KIF24: variants seen among roughly 807,000 people sequenced by gnomAD.
The protein encoded by KIF24 is kinesin-like protein KIF24.
In KIF24, 81 loss-of-function variants were observed where a neutral mutation model predicts 118.9. That is an observed-to-expected ratio of 0.68 (90% CI 0.57 to 0.82). KIF24 has a LOEUF of 0.82. Ranked by LOEUF, KIF24 falls within the 40% of genes least tolerant of loss-of-function variation. The pLI is 0.00. For missense variants in KIF24, 1,560 were observed against 1,661.6 expected (o/e 0.94, Z 1.06); for synonymous variants, 599 against 610.0 (o/e 0.98, Z 0.27).
intron 12 of KIF24, among the ~76,000 whole-genome samples, 157 bp downstream of exon 12, chr9:34,254,915 C>CA (rs1340830237): frequency 6.6e-6 from 1 of 152,150 alleles, no homozygotes. Context: ...CAAGATGTCT[C>CA]AAAGGCGTGG....
Position 34,306,388 on chromosome 9 carries a change from A to G in KIF24, c.677T>C (p.Val226Ala). The G allele has an allele frequency of 6.2e-7, 1 of 1,612,602 alleles. No individual in the cohort carries two copies. The change falls in exon 3 of 13, where the codon GTT becomes GCT. Residue 226 changes from valine to alanine, a missense_variant. Transcript: ENST00000402558. ...NPWTEMEKIRVCVRKRPLGMR... is the reference protein window; with the variant it reads ...NPWTEMEKIRACVRKRPLGMR... ...GCCCAGGGGGCGTTTTCGAACACAAACTCTGATTTTCTCCATCTCAGTCCA... is the reference window on the plus strand; with the variant it reads ...GCCCAGGGGGCGTTTTCGAACACAAGCTCTGATTTTCTCCATCTCAGTCCA...
At chr9:34,319,782 C>T in intron 1 of KIF24, 1 of 566,078 alleles carries the variant, frequency 1.8e-6, no homozygotes, top group Non-Finnish European at 3.3e-6. Context: ...GACAAACAAA[C>T]CAGGGTTCCC....
intron 8 of KIF24, among the ~76,000 whole-genome samples, chr9:34,264,748 T>A (rs1380366652): frequency 1.3e-5 from 2 of 152,126 alleles, no homozygotes; most frequent in African/African-American, 4.8e-5. Context: ...AAGCTTTTTT[T>A]CTTTTTTTAA....
Position 34,256,964 on chromosome 9 carries a change from CCTGGGG to C in KIF24, c.2637_2642del (p.Ser879_Pro880del). ...TAGTTAGATCTTTCTTGTCACCTGTCCTGGGGCTAGAAAACAGACTCTGCTGTCTTT... is the reference window on the plus strand; with the variant it reads ...TAGTTAGATCTTTCTTGTCACCTGTCCTAGAAAACAGACTCTGCTGTCTTT... On this transcript the variant is annotated inframe_deletion, in exon 11 of 13. Transcript: ENST00000402558. 4 of 1,614,018 alleles carry C rather than the reference CCTGGGG, an allele frequency of 2.5e-6. No individual in the cohort carries two copies. The highest frequency in any genetic ancestry group is 3.4e-6 in the Non-Finnish European group (4 of 1,179,896).
intron 1 of KIF24, among the ~76,000 whole-genome samples, chr9:34,311,748 GTATATA>G (rs1269436857): frequency 1.7e-4 from 22 of 132,984 alleles, no homozygotes; most frequent in Non-Finnish European, 2.5e-4. Flanking sequence ...ACATATATAC[GTATATA>G]TGTGTATATA....
chr9:34,329,332 G>A (rs1837803426), upstream of KIF24, among the ~76,000 whole-genome samples: 1 of 152,244 alleles, frequency 6.6e-6, no homozygotes, highest in Non-Finnish European at 1.5e-5. Context: ...CCAAGGAATC[G>A]GTTGACGTTC....
At chr9:34,332,411 C>A (rs949204324), upstream of KIF24, among the ~76,000 whole-genome samples, 1 of 152,188 alleles carries the variant, frequency 6.6e-6, no homozygotes, top group Admixed American at 6.5e-5. Flanking sequence ...GGAATGTCTT[C>A]CACTTTCACT....
chr9:34,323,541 T>C (rs1277473344), intron 1 of KIF24, among the ~76,000 whole-genome samples: 1 of 152,240 alleles, frequency 6.6e-6, no homozygotes, highest in African/African-American at 2.4e-5. Context: ...TTTTAAAATC[T>C]TGCTCTGACA....
intron 6 of KIF24, among the ~76,000 whole-genome samples, chr9:34,282,316 G>T (rs1835875244): frequency 6.6e-6 from 1 of 152,156 alleles, no homozygotes; most frequent in African/African-American, 2.4e-5. Context: ...ATATGATACG[G>T]ACAGAATTGG....
At chr9:34,263,379 G>A (rs953014279) in intron 8 of KIF24, among the ~76,000 whole-genome samples, 1 of 152,176 alleles carries the variant, frequency 6.6e-6, no homozygotes, top group Non-Finnish European at 1.5e-5. Flanking sequence ...CCTAGCTGAA[G>A]GCCTCCCAGC....
chr9:34,327,637 TGA>T (rs1837710885), intron 1 of KIF24, among the ~76,000 whole-genome samples: 1 of 152,014 alleles, frequency 6.6e-6, no homozygotes. Flanking sequence ...TTTGGAAGGC[TGA>T]GAGTGTGTGG....
chr9:34,323,676 G>C (rs1439157109), intron 1 of KIF24, among the ~76,000 whole-genome samples: 1 of 152,132 alleles, frequency 6.6e-6, no homozygotes, highest in East Asian at 1.9e-4. Context: ...AAATTACCAA[G>C]ATGACATTCT....
At chr9:34,293,765 C>T (rs116724590) in intron 4 of KIF24, among the ~76,000 whole-genome samples, 1,687 of 152,106 alleles carry the variant, frequency 0.011, 35 homozygotes, top group African/African-American at 0.038. Flanking sequence ...TGCGAGACTC[C>T]GTCTCAAAAA....
intron 6 of KIF24, among the ~76,000 whole-genome samples, chr9:34,282,085 A>G (rs1267087720): frequency 6.6e-6 from 1 of 152,216 alleles, no homozygotes; most frequent in Non-Finnish European, 1.5e-5. Context: ...TTTGTACATG[A>G]ATGTTCACAG....
Position 34,310,839 on chromosome 9 carries a change from A to ATTTCACCAAATC in KIF24, c.507_508insGATTTGGTGAAA (p.Thr169_Ser170insAspLeuValLys). ...GAAAGGTAATTTGGTGAAAAGAGTG[A>ATTTCACCAAATC]AGTGCTGATTTCTGTTTGCACATAG... On this transcript the variant is annotated inframe_insertion, in exon 2 of 13. Transcript: ENST00000402558. 2 of 1,614,000 alleles carry ATTTCACCAAATC rather than the reference A, an allele frequency of 1.2e-6. No individual in the cohort carries two copies. Among genetic ancestry groups the ATTTCACCAAATC allele is most frequent in the Non-Finnish European group, 1.7e-6 (2 of 1,179,856 alleles).
At chr9:34,263,004 C>T (rs1305426130) in intron 9 of KIF24, 97 bp downstream of exon 9, 1 of 888,516 alleles carries the variant, frequency 1.1e-6, no homozygotes, top group African/African-American at 1.7e-5. Context: ...AGCATCATGT[C>T]TTACTGACAG....
intron 1 of KIF24, among the ~76,000 whole-genome samples, chr9:34,325,219 C>T (rs1837636370): frequency 6.6e-6 from 1 of 151,848 alleles, no homozygotes; most frequent in South Asian, 2.1e-4. Context: ...GTGGCACACA[C>T]CTGTGGTCCC....
intron 5 of KIF24, among the ~76,000 whole-genome samples, chr9:34,287,853 G>A (rs188413141): frequency 1.4e-3 from 214 of 150,530 alleles, no homozygotes; most frequent in Middle Eastern, 6.8e-3. Flanking sequence ...CTATGATTGC[G>A]CCTGTGAATA....
chr9:34,329,081 C>T (rs1427979177), intron 1 of KIF24, among the ~76,000 whole-genome samples, 25 bp downstream of exon 1: 2 of 152,270 alleles, frequency 1.3e-5, no homozygotes, highest in African/African-American at 4.8e-5. Context: ...CCTACCCCTC[C>T]TCTATTCTCC....
Sources: gnomAD v4.1 joint callset for allele counts (sites outside exome capture counted in the v4.1 genomes callset) on GRCh38, gnomAD v4.1.1 for gene constraint, MANE v1.5 for transcripts, NCBI Gene and HGNC (gene_info 2026-07-23, HGNC 2026-07-21) for gene names.